NPY1R: variants seen among roughly 807,000 people sequenced by gnomAD.
NPY1R encodes the protein neuropeptide Y receptor type 1.
In NPY1R, 10 loss-of-function variants were observed where a neutral mutation model predicts 24.1. The ratio of observed to expected loss-of-function variants is 0.42; its 90% CI spans 0.26 to 0.71. The LOEUF (loss-of-function observed/expected upper bound fraction) is 0.71. Among genes scored for constraint, NPY1R ranks in the 30% least tolerant of loss-of-function variants. The pLI is 0.28. For missense variants in NPY1R, 350 were observed against 458.0 expected (o/e 0.76, Z 2.15); for synonymous variants, 168 against 165.9 (o/e 1.01, Z -0.10).
At chr4:163,333,836 CAT>C (rs1734784659), upstream of NPY1R, among the ~76,000 whole-genome samples, 1 of 152,036 alleles carries the variant, frequency 6.6e-6, no homozygotes, top group Non-Finnish European at 1.5e-5. Flanking sequence ...TGTCACTAGA[CAT>C]ATTTTTATAT....
intron 1 of NPY1R, among the ~76,000 whole-genome samples, chr4:163,341,433 C>T (rs1373079925): frequency 1.3e-5 from 2 of 152,110 alleles, no homozygotes; most frequent in African/African-American, 2.4e-5. Context: ...TGAGATTATA[C>T]CAAAACACTT....
rs757301981 is a variant in NPY1R at position 163,325,573 on chromosome 4, G to T, written c.885C>A (p.Thr295=). The change falls in exon 3 of 3, where the codon ACC becomes ACA. Residue 295 remains threonine (T), a synonymous_variant. Transcript: ENST00000296533. ...VFDWNHQIIA[T]CNHNLLFLLC... is the part of the protein sequence containing the mutation. ...GCAGGAATAACAGATTGTGGTTGCA[G>T]GTAGCAATGATCTGATGATTCCAAT... 2.5e-6 allele frequency: 4 copies of T among 1,614,016 alleles called. No homozygotes were observed. The Admixed American group carries it at 6.7e-5, about 27-fold the overall frequency.
upstream of NPY1R, chr4:163,332,870 C>T (rs1365081792): frequency 2.0e-5 from 3 of 152,212 alleles, no homozygotes; most frequent in African/African-American, 7.2e-5. Flanking sequence ...TTTCCCGAGG[C>T]TTGAAAAAGT....
At position 163,326,163 on chromosome 4, in the gene NPY1R, A is replaced by G. The variant is rs755519745; in HGVS notation, c.392T>C (p.Leu131Pro). 2 of 1,614,170 alleles carry G rather than the reference A, an allele frequency of 1.2e-6. No individual in the cohort carries two copies. The highest frequency in any genetic ancestry group is 1.7e-6 in the Non-Finnish European group (2 of 1,179,998). ...ATGTCGTTCCACAGCAATGAGAACC[A>G]GAGAGAAAATGGACACAGTGATTGA... ...CVSITVSIFS[L>P]VLIAVERHQL... The change falls in exon 2 of 3, where the codon CTG (leucine) becomes CCG (proline). Residue 131 changes from leucine (L) to proline (P), a missense_variant. Coordinates refer to ENST00000296533, the MANE Select transcript of NPY1R (RefSeq NM_000909.6).
upstream of NPY1R, among the ~76,000 whole-genome samples, chr4:163,337,422 G>T (rs1033539090): frequency 1.3e-5 from 2 of 152,058 alleles, no homozygotes; most frequent in Non-Finnish European, 2.9e-5. Context: ...CAGTCTCAAC[G>T]GACTCCTTCT....
chr4:163,334,324 C>T (rs1578937715), upstream of NPY1R, among the ~76,000 whole-genome samples: 1 of 152,226 alleles, frequency 6.6e-6, no homozygotes, highest in Non-Finnish European at 1.5e-5. Context: ...AATTTGGACT[C>T]AGGTACTATG....
At chr4:163,339,322 G>C (rs1384132595) in intron 1 of NPY1R, among the ~76,000 whole-genome samples, 2 of 152,016 alleles carry the variant, frequency 1.3e-5, no homozygotes, top group Non-Finnish European at 2.9e-5. Flanking sequence ...GTCTTCTCAG[G>C]TATAAAGCCC....
In NPY1R at chr4:163,326,487, G is replaced by T. The variant is rs752137884; in HGVS notation, c.68C>A (p.Ala23Asp). 2.5e-6 allele frequency: 4 copies of T among 1,613,062 alleles called. No individual in the cohort carries two copies. The highest frequency in any genetic ancestry group is 3.4e-6 in the Non-Finnish European group (4 of 1,179,554). ...SVHSNFSEKN[A>D]QLLAFENDDC... is the part of the protein sequence containing the mutation. ...ATCATTTTCAAAAGCCAGAAGCTGG[G>T]CATTCTTCTCTGAGAAATTAGAGTG... The change falls in exon 2 of 3, where the codon GCC (alanine) becomes GAC (aspartate). Residue 23 changes from alanine (A) to aspartate (D), a missense_variant. Transcript: ENST00000296533.
upstream of NPY1R, among the ~76,000 whole-genome samples, chr4:163,335,286 C>T (rs549370431): frequency 1.3e-5 from 2 of 152,300 alleles, no homozygotes; most frequent in South Asian, 2.1e-4. Context: ...ATCTCATGCT[C>T]TCTTGAACAA....
chr4:163,333,380 A>G (rs1338953729), upstream of NPY1R, among the ~76,000 whole-genome samples: 1 of 152,140 alleles, frequency 6.6e-6, no homozygotes, highest in East Asian at 1.9e-4. Context: ...ATGGTGCCCG[A>G]TGATTCAGGC....
intron 1 of NPY1R, among the ~76,000 whole-genome samples, chr4:163,328,634 G>C (rs981849338): frequency 6.6e-6 from 1 of 152,184 alleles, no homozygotes; most frequent in African/African-American, 2.4e-5. Flanking sequence ...GACACATTAA[G>C]ACCTCTGCAT....
chr4:163,342,594 C>T (rs1735016968), intron 1 of NPY1R, among the ~76,000 whole-genome samples: 1 of 152,158 alleles, frequency 6.6e-6, no homozygotes, highest in African/African-American at 2.4e-5. Flanking sequence ...AAAACAGGAA[C>T]TGTGTTTACT....
At chr4:163,341,173 G>T (rs1458117673) in intron 1 of NPY1R, among the ~76,000 whole-genome samples, 1 of 151,734 alleles carries the variant, frequency 6.6e-6, no homozygotes, top group Non-Finnish European at 1.5e-5. Context: ...TGATTTATGT[G>T]ACAAATTATT....
In NPY1R at chr4:163,325,865, G is replaced by T. The variant is rs1419001128; in HGVS notation, c.690C>A (p.Cys230Ter). ...AAAAAAGTTTTCTTACCTTGAAGTA[G>T]CAAATAAATATAAAACAAAGTGGAC... Reference protein sequence around the residue: ...YFGPLCFIFICYFKIYIRLKR... With the variant: ...YFGPLCFIFI Residue 230 changes from cysteine to a stop codon, truncating the protein, a stop_gained, in exon 2 of 3, where the codon TGC (cysteine) becomes TGA (stop). Transcript: ENST00000296533. LOFTEE classifies it high-confidence loss of function. 6.2e-7 allele frequency: 1 copy of T among 1,612,818 alleles called. No homozygotes were observed. Among genetic ancestry groups the T allele is most frequent in the Admixed American group, 1.7e-5 (1 of 59,944 alleles).
chr4:163,334,469 A>T (rs976799453), upstream of NPY1R, among the ~76,000 whole-genome samples: 9 of 152,314 alleles, frequency 5.9e-5, no homozygotes, highest in Non-Finnish European at 7.4e-5. Flanking sequence ...GTGAAACTGC[A>T]TTCTTGAGTT....
At chr4:163,343,697 G>A (rs1301643721) in intron 1 of NPY1R, among the ~76,000 whole-genome samples, 5 of 152,182 alleles carry the variant, frequency 3.3e-5, no homozygotes, top group Non-Finnish European at 5.9e-5. Context: ...CCAGGGTGAA[G>A]GGACGACATC....
upstream of NPY1R, among the ~76,000 whole-genome samples, chr4:163,337,581 T>C (rs766661786): frequency 1.3e-4 from 20 of 152,144 alleles, no homozygotes; most frequent in Admixed American, 4.6e-4. Flanking sequence ...CCAAGCACCA[T>C]GTGACAGACA....
intron 1 of NPY1R, among the ~76,000 whole-genome samples, chr4:163,341,023 G>A (rs1006567922): frequency 3.3e-5 from 5 of 151,756 alleles, no homozygotes; most frequent in African/African-American, 1.2e-4. Context: ...TTATCGTTAA[G>A]TTGCCTGGGA....
chr4:163,342,988 A>T (rs1464309429), intron 1 of NPY1R, among the ~76,000 whole-genome samples: 13 of 12,092 alleles, frequency 1.1e-3, no homozygotes, highest in African/African-American at 1.6e-3. Flanking sequence ...ACAGACACAC[A>T]CACACACACA....
Sources: gnomAD v4.1 joint callset for allele counts (sites outside exome capture counted in the v4.1 genomes callset) on GRCh38, gnomAD v4.1.1 for gene constraint, MANE v1.5 for transcripts, NCBI Gene and HGNC (gene_info 2026-07-23, HGNC 2026-07-21) for gene names.